FHIT: variants seen among roughly 807,000 people sequenced by gnomAD.
The protein encoded by FHIT is fragile histidine triad diadenosine triphosphatase.
In FHIT, 19 loss-of-function variants were observed where a neutral mutation model predicts 17.9. The observed-to-expected ratio is 1.06, with a 90% CI of 0.74 to 1.56. FHIT has a LOEUF of 1.56. Ranked by LOEUF, FHIT falls within the 40% of genes most tolerant of loss-of-function variation. The pLI is 0.00. For synonymous variants in FHIT, 81 were observed against 69.7 expected (o/e 1.16, Z -0.81); for missense variants, 248 against 189.2 (o/e 1.31, Z -1.82).
intron 4 of FHIT, among the ~76,000 whole-genome samples, chr3:60,627,137 T>C (rs2039311320): frequency 6.6e-6 from 1 of 152,182 alleles, no homozygotes; most frequent in Admixed American, 6.5e-5. Context: ...TATTGGTCTG[T>C]AGTTTCCTTG....
intron 5 of FHIT, among the ~76,000 whole-genome samples, chr3:60,221,780 G>T (rs1320960938): frequency 1.3e-5 from 2 of 151,974 alleles, no homozygotes; most frequent in Non-Finnish European, 2.9e-5. Context: ...TCCTTCTTCA[G>T]AATTCTGCCT....
At chr3:61,198,892 C>T (rs1353795401) in intron 2 of FHIT, among the ~76,000 whole-genome samples, 2 of 72,894 alleles carry the variant, frequency 2.7e-5, no homozygotes, top group Admixed American at 1.9e-4. Flanking sequence ...CTGCTGCCGC[C>T]GCCGATGATG....
chr3:60,863,239 T>C (rs59660622), intron 3 of FHIT, among the ~76,000 whole-genome samples: 3,881 of 152,152 alleles, frequency 0.026, 161 homozygotes, highest in African/African-American at 0.087. Context: ...ATAAAGAAAA[T>C]AGGGACTTCA....
At chr3:60,344,326 G>A (rs1323573691) in intron 5 of FHIT, among the ~76,000 whole-genome samples, 4 of 152,116 alleles carry the variant, frequency 2.6e-5, no homozygotes, top group East Asian at 1.9e-4. Context: ...ACTGAGATGC[G>A]TCCAACAAAG....
intron 4 of FHIT, among the ~76,000 whole-genome samples, chr3:60,782,710 G>T (rs1575518391): frequency 6.6e-6 from 1 of 152,124 alleles, no homozygotes; most frequent in South Asian, 2.1e-4. Flanking sequence ...ATAAATAATA[G>T]AAATTTAATT....
intron 4 of FHIT, among the ~76,000 whole-genome samples, chr3:60,734,635 G>C (rs2042098798): frequency 6.6e-6 from 1 of 152,116 alleles, no homozygotes; most frequent in African/African-American, 2.4e-5. Context: ...AAAGTCCTGG[G>C]ATTACAGGGG....
At chr3:60,578,394 A>G (rs1195029901) in intron 4 of FHIT, among the ~76,000 whole-genome samples, 2 of 150,676 alleles carry the variant, frequency 1.3e-5, no homozygotes, top group Non-Finnish European at 3.0e-5. Context: ...CCGAGATCTC[A>G]CCACTGCACT....
intron 4 of FHIT, among the ~76,000 whole-genome samples, chr3:60,704,320 C>T (rs1444952966): frequency 6.6e-6 from 1 of 152,090 alleles, no homozygotes; most frequent in Non-Finnish European, 1.5e-5. Flanking sequence ...TTCCACTGAG[C>T]TACAATAAAG....
At chr3:60,222,301 G>A (rs948195244) in intron 5 of FHIT, among the ~76,000 whole-genome samples, 17 of 151,988 alleles carry the variant, frequency 1.1e-4, no homozygotes, top group Admixed American at 2.6e-4. Flanking sequence ...ATAAGCTCTC[G>A]AGAAGAAATT....
intron 7 of FHIT, among the ~76,000 whole-genome samples, chr3:59,948,348 CA>C (rs35941668): frequency 0.66 from 76,589 of 116,386 alleles, 26,108 homozygotes; most frequent in Middle Eastern, 0.84. Context: ...ACTAAAAATA[CA>C]AAAAAAAAAA....
chr3:60,930,364 A>G (rs1707884064), intron 3 of FHIT, among the ~76,000 whole-genome samples: 1 of 152,340 alleles, frequency 6.6e-6, no homozygotes, highest in East Asian at 1.9e-4. Context: ...AAATTGACAA[A>G]TGGGATCTAA....
intron 2 of FHIT, among the ~76,000 whole-genome samples, chr3:61,145,663 C>T (rs1195892806): frequency 6.6e-6 from 1 of 152,012 alleles, no homozygotes; most frequent in Non-Finnish European, 1.5e-5. Flanking sequence ...AATAACATGG[C>T]ATATCTTTCC....
intron 4 of FHIT, among the ~76,000 whole-genome samples, chr3:60,734,390 C>T (rs2042094159): frequency 6.6e-6 from 1 of 152,154 alleles, no homozygotes; most frequent in Non-Finnish European, 1.5e-5. Flanking sequence ...CTCAGTCTCT[C>T]TATATTTTAA....
chr3:59,919,325 C>A (rs892562738), intron 8 of FHIT, among the ~76,000 whole-genome samples: 2 of 152,048 alleles, frequency 1.3e-5, no homozygotes, highest in African/African-American at 4.8e-5. Context: ...TCACTTTGAC[C>A]CGTTATTATG....
At chr3:60,559,115 T>C (rs1484322736) in intron 4 of FHIT, among the ~76,000 whole-genome samples, 2 of 152,210 alleles carry the variant, frequency 1.3e-5, no homozygotes, top group Non-Finnish European at 2.9e-5. Flanking sequence ...ATATAATTTT[T>C]AAATTAGCGG....
intron 5 of FHIT, among the ~76,000 whole-genome samples, chr3:60,236,909 C>T (rs1000095601): frequency 1.3e-5 from 2 of 152,120 alleles, no homozygotes; most frequent in Non-Finnish European, 2.9e-5. Context: ...GTAGGAGTCT[C>T]ATGCATATGT....
chr3:60,086,260 C>A (rs1703488831), intron 5 of FHIT, among the ~76,000 whole-genome samples: 1 of 152,136 alleles, frequency 6.6e-6, no homozygotes, highest in South Asian at 2.1e-4. Flanking sequence ...CATGAAGGAT[C>A]TGCCCTCCTG....
intron 3 of FHIT, among the ~76,000 whole-genome samples, chr3:60,860,801 G>A (rs1439913459): frequency 3.7e-4 from 2 of 5,416 alleles, no homozygotes; most frequent in Admixed American, 5.3e-3. Context: ...TGATACATAT[G>A]TACATATATA....
chr3:60,743,367 A>G (rs1553714398), intron 4 of FHIT, among the ~76,000 whole-genome samples: 1 of 152,236 alleles, frequency 6.6e-6, no homozygotes, highest in Non-Finnish European at 1.5e-5. Flanking sequence ...ATGCAGGTCA[A>G]TAGATGTTGA....
Sources: allele counts gnomAD v4.1 joint callset (sites outside exome capture counted in the v4.1 genomes callset), GRCh38; gene constraint gnomAD v4.1.1; transcripts MANE v1.5; gene names NCBI Gene and HGNC (gene_info 2026-07-23, HGNC 2026-07-21).